NKAIN2: variants seen among roughly 807,000 people sequenced by gnomAD.
NKAIN2 encodes sodium/potassium-transporting ATPase subunit beta-1-interacting protein 2.
Under a neutral mutation model 32.6 loss-of-function variants are expected in NKAIN2, and 14 were observed. The observed-to-expected ratio is 0.43, with a 90% CI of 0.28 to 0.67. The LOEUF is 0.67. NKAIN2 is among the 30% of genes least tolerant of loss of function. The probability of loss-of-function intolerance (pLI) is 0.17; values close to 1 mark genes in which losing one functional copy is unlikely to be tolerated. For synonymous variants in NKAIN2, 80 were observed against 87.2 expected (o/e 0.92, Z 0.46); for missense variants, 198 against 258.3 (o/e 0.77, Z 1.60).
intron 1 of NKAIN2, among the ~76,000 whole-genome samples, chr6:124,243,612 G>T (rs1793228006): frequency 6.6e-6 from 1 of 152,194 alleles, no homozygotes; most frequent in African/African-American, 2.4e-5. Context: ...CACCAAGATT[G>T]TTGGTAACTA....
chr6:124,674,288 G>A (rs1480559157), intron 4 of NKAIN2, among the ~76,000 whole-genome samples: 4 of 151,948 alleles, frequency 2.6e-5, no homozygotes, highest in Non-Finnish European at 5.9e-5. Context: ...TTTGAAGTCA[G>A]GACGTGTGAG....
At chr6:124,353,790 T>C (rs1018504813) in intron 2 of NKAIN2, among the ~76,000 whole-genome samples, 57 of 151,830 alleles carry the variant, frequency 3.8e-4, no homozygotes, top group African/African-American at 1.3e-3. Flanking sequence ...GAAATAACTT[T>C]CCATCTACAT....
At chr6:123,967,040 A>G (rs1468684559) in intron 1 of NKAIN2, among the ~76,000 whole-genome samples, 1 of 152,206 alleles carries the variant, frequency 6.6e-6, no homozygotes, top group Non-Finnish European at 1.5e-5. Flanking sequence ...AGAGATATCT[A>G]TACTTACAGT....
intron 1 of NKAIN2, among the ~76,000 whole-genome samples, chr6:124,220,056 C>A (rs371938899): frequency 6.6e-6 from 1 of 152,118 alleles, no homozygotes; most frequent in Non-Finnish European, 1.5e-5. Context: ...TGTCCCCACC[C>A]AAATCTCATC....
chr6:123,954,306 T>C (rs1339766320), intron 1 of NKAIN2, among the ~76,000 whole-genome samples: 11 of 152,222 alleles, frequency 7.2e-5, no homozygotes, highest in African/African-American at 2.7e-4. Flanking sequence ...TCCTATGGTC[T>C]TCAGGCAGAT....
intron 2 of NKAIN2, among the ~76,000 whole-genome samples, chr6:124,332,889 T>C (rs1797721001): frequency 6.6e-6 from 1 of 152,148 alleles, no homozygotes; most frequent in Admixed American, 6.6e-5. Flanking sequence ...GAATGTTAGT[T>C]TCAAAAGTAG....
At chr6:124,229,808 A>T (rs1792351555) in intron 1 of NKAIN2, among the ~76,000 whole-genome samples, 1 of 152,142 alleles carries the variant, frequency 6.6e-6, no homozygotes, top group Admixed American at 6.6e-5. Flanking sequence ...CATGATTATG[A>T]GGCCTCCCAG....
At chr6:123,947,464 A>G (rs758645262) in intron 1 of NKAIN2, among the ~76,000 whole-genome samples, 4 of 152,124 alleles carry the variant, frequency 2.6e-5, no homozygotes, top group African/African-American at 7.2e-5. Flanking sequence ...TCACTCCCCT[A>G]TACTGTATAC....
intron 4 of NKAIN2, among the ~76,000 whole-genome samples, chr6:124,662,242 C>T (rs1390847872): frequency 6.6e-6 from 1 of 152,004 alleles, no homozygotes; most frequent in African/African-American, 2.4e-5. Flanking sequence ...TACTTTACTT[C>T]CTGTGATAAA....
intron 1 of NKAIN2, among the ~76,000 whole-genome samples, chr6:123,851,440 G>C (rs1027646452): frequency 6.6e-6 from 1 of 151,750 alleles, no homozygotes; most frequent in African/African-American, 2.4e-5. Flanking sequence ...TAGTCAAGAT[G>C]GGGTTTCACC....
chr6:124,104,016 G>A (rs1023571419), intron 1 of NKAIN2, among the ~76,000 whole-genome samples: 1 of 152,160 alleles, frequency 6.6e-6, no homozygotes, highest in African/African-American at 2.4e-5. Flanking sequence ...AACCTGGGAG[G>A]TGGAGCTTGC....
intron 5 of NKAIN2, among the ~76,000 whole-genome samples, chr6:124,803,596 A>C (rs1311785253): frequency 2.0e-5 from 3 of 152,216 alleles, no homozygotes; most frequent in Non-Finnish European, 4.4e-5. Context: ...AGTATGTCAC[A>C]CAGGCTGTTC....
intron 3 of NKAIN2, among the ~76,000 whole-genome samples, chr6:124,637,867 T>C (rs780511735): frequency 6.6e-6 from 1 of 152,142 alleles, no homozygotes; most frequent in Non-Finnish European, 1.5e-5. Flanking sequence ...ATCCAATTCC[T>C]ATCAAAATAT....
chr6:124,790,596 G>C (rs1266380722), intron 4 of NKAIN2, among the ~76,000 whole-genome samples: 1 of 151,884 alleles, frequency 6.6e-6, no homozygotes, highest in African/African-American at 2.4e-5. Context: ...TTTGACTAGC[G>C]CTCATAAGTT....
At chr6:124,302,978 C>G (rs73571125) in intron 2 of NKAIN2, among the ~76,000 whole-genome samples, 364 of 152,260 alleles carry the variant, frequency 2.4e-3, no homozygotes, top group Non-Finnish European at 4.0e-3. Context: ...ATGAGAGCAG[C>G]AGGAATTTGG....
At chr6:124,774,657 A>C (rs1026954632) in intron 4 of NKAIN2, among the ~76,000 whole-genome samples, 1 of 151,974 alleles carries the variant, frequency 6.6e-6, no homozygotes, top group African/African-American at 2.4e-5. Context: ...GGAGTTTGAG[A>C]CCAGCCTGGC....
At chr6:124,502,876 T>A (rs892145885) in intron 3 of NKAIN2, among the ~76,000 whole-genome samples, 3 of 152,176 alleles carry the variant, frequency 2.0e-5, no homozygotes. Context: ...GTGCATCATA[T>A]CTGCTGAGGA....
intron 2 of NKAIN2, among the ~76,000 whole-genome samples, chr6:124,325,884 T>C (rs146525602): frequency 5.9e-5 from 9 of 152,268 alleles, no homozygotes; most frequent in African/African-American, 2.2e-4. Flanking sequence ...GCAATACTTT[T>C]ACTAGCATAT....
At chr6:124,180,185 A>G (rs1033451769) in intron 1 of NKAIN2, among the ~76,000 whole-genome samples, 8 of 152,126 alleles carry the variant, frequency 5.3e-5, no homozygotes, top group Non-Finnish European at 8.8e-5. Flanking sequence ...TAAATACCTA[A>G]TTGTATTCTC....
Sources: allele counts gnomAD v4.1 joint callset (sites outside exome capture counted in the v4.1 genomes callset), GRCh38; gene constraint gnomAD v4.1.1; transcripts MANE v1.5; gene names NCBI Gene and HGNC (gene_info 2026-07-23, HGNC 2026-07-21).